The following MED13L variants were observed in gnomAD, a reference collection of about 807,000 sequenced individuals.
MED13L encodes the protein mediator of RNA polymerase II transcription subunit 13-like.
A neutral mutation model predicts 220.9 loss-of-function variants in MED13L; 7 were observed. The ratio of observed to expected loss-of-function variants is 0.03; its 90% confidence interval spans 0.02 to 0.06. MED13L has a LOEUF of 0.06. Ranked by LOEUF, MED13L falls within the 10% of genes least tolerant of loss-of-function variation. The probability of loss-of-function intolerance (pLI) is 1.00; values close to 1 mark genes in which losing one functional copy is unlikely to be tolerated. For missense variants in MED13L, 1,965 were observed against 2,760.5 expected (o/e 0.71, Z 6.46); for synonymous variants, 1,011 against 1,015.2 (o/e 1.00, Z 0.08).
intron 4 of MED13L, among the ~76,000 whole-genome samples, chr12:116,037,083 T>A (rs1017661405): frequency 6.6e-6 from 1 of 152,170 alleles, no homozygotes; most frequent in African/African-American, 2.4e-5. Flanking sequence ...TAAATCACCA[T>A]TACAGTTCTA....
In MED13L at chr12:116,117,235, C is replaced by A. The variant is rs374221820; in HGVS notation, c.311-5723G>T. Reference sequence around the variant, plus strand: ...ATTCATATGTCATTCTCGCAAAAGGCAAATTTAAGGTACTGTAAACTTCTC... The same window carrying A: ...ATTCATATGTCATTCTCGCAAAAGGAAAATTTAAGGTACTGTAAACTTCTC... On this transcript the variant is annotated intron_variant, in intron 2 of 30. Coordinates refer to ENST00000281928, the MANE Select transcript of MED13L (RefSeq NM_015335.5). Among the ~76,000 whole-genome samples the A allele has an allele frequency of 6.6e-5, 10 of 152,070 alleles. No individual in the cohort carries two copies. The South Asian group carries it at 1.2e-3, about 19-fold the overall frequency.
rs768244395 is a variant in MED13L at position 116,237,750 on chromosome 12, C to G, written c.73-45G>C. On this transcript the variant is annotated intron_variant, in intron 1 of 30. Coordinates refer to ENST00000281928, the MANE Select transcript of MED13L (RefSeq NM_015335.5). ...TGTAATCGTTTTCTCATTTTACTTA[C>G]AGACCACTAAAAACAGTCTTCCATA... 160 of 1,522,880 alleles carry G rather than the reference C, an allele frequency of 1.1e-4. No individual in the cohort carries two copies. Among genetic ancestry groups the G allele is most frequent in the Admixed American group, 7.0e-4 (42 of 59,872 alleles). The allele number at this position is 1,522,880 out of a possible 1,614,324, so 94.3% of individuals were successfully genotyped here.
At chr12:116,218,132 TGTCAA>T (rs1273048045) in intron 2 of MED13L, among the ~76,000 whole-genome samples, 3 of 152,226 alleles carry the variant, frequency 2.0e-5, no homozygotes, top group African/African-American at 7.2e-5. Context: ...ATTAAACTTT[TGTCAA>T]GTCATTTTCC....
intron 2 of MED13L, among the ~76,000 whole-genome samples, chr12:116,152,122 T>A (rs1878085296): frequency 6.6e-6 from 1 of 152,130 alleles, no homozygotes; most frequent in Non-Finnish European, 1.5e-5. Flanking sequence ...AGGTTCTCTC[T>A]CCCCTGCTGG....
chr12:116,025,866 C>T (rs1880357602), intron 4 of MED13L, among the ~76,000 whole-genome samples: 1 of 152,034 alleles, frequency 6.6e-6, no homozygotes, highest in South Asian at 2.1e-4. Flanking sequence ...AATGTTCTTA[C>T]CACAGAAAAA....
At chr12:115,988,765 C>A (rs1175467241) in intron 17 of MED13L, among the ~76,000 whole-genome samples, 1 of 152,162 alleles carries the variant, frequency 6.6e-6, no homozygotes, top group Non-Finnish European at 1.5e-5. Flanking sequence ...ACCTCCCCTG[C>A]AATAAAATGT....
At chr12:116,110,223 G>A (rs1392313516) in intron 3 of MED13L, 5 of 152,108 alleles carry the variant, frequency 3.3e-5, no homozygotes, top group Non-Finnish European at 7.3e-5. Context: ...AAGGACATAG[G>A]AGCGAGCCAT....
chr12:116,234,385 G>GC (rs921764216), intron 2 of MED13L, among the ~76,000 whole-genome samples: 25 of 151,974 alleles, frequency 1.6e-4, no homozygotes, highest in Middle Eastern at 3.4e-3. Flanking sequence ...CCACCACCAT[G>GC]CCCAGCTAAT....
chr12:116,117,171 TA>T (rs1874596731), intron 2 of MED13L, among the ~76,000 whole-genome samples: 1 of 151,982 alleles, frequency 6.6e-6, no homozygotes, highest in Non-Finnish European at 1.5e-5. Context: ...TTATGCTAAG[TA>T]AAAAGAAGCC....
chr12:116,275,404 T>A (rs1307672772), intron 1 of MED13L, among the ~76,000 whole-genome samples: 2 of 152,228 alleles, frequency 1.3e-5, no homozygotes, highest in Non-Finnish European at 2.9e-5. Context: ...TTAAAATATT[T>A]CATTTAAAAA....
At chr12:116,142,111 T>C (rs1317083927) in intron 2 of MED13L, among the ~76,000 whole-genome samples, 1 of 152,182 alleles carries the variant, frequency 6.6e-6, no homozygotes, top group African/African-American at 2.4e-5. Context: ...TTTCTCTGAC[T>C]ACCCTACTTA....
At chr12:116,022,668 T>G in intron 4 of MED13L, 67 bp from the exon 5 acceptor site, 1 of 1,511,368 alleles carries the variant, frequency 6.6e-7, no homozygotes, top group Non-Finnish European at 9.0e-7. Context: ...AAACAGGAAC[T>G]ACAGGTAAGA....
chr12:116,007,266 A>T (rs1237310443), intron 11 of MED13L, 145 bp downstream of exon 11: 2 of 768,940 alleles, frequency 2.6e-6, no homozygotes, highest in Non-Finnish European at 2.3e-6. Flanking sequence ...TGTTCAATAC[A>T]ATAGTACCAA....
chr12:116,067,025 T>C (rs1043386392), intron 4 of MED13L, among the ~76,000 whole-genome samples: 1 of 152,134 alleles, frequency 6.6e-6, no homozygotes, highest in Non-Finnish European at 1.5e-5. Context: ...TGATGAATGT[T>C]TCTGCGAGTG....
intron 29 of MED13L, 104 bp from the exon 30 acceptor site, chr12:115,963,623 G>T (rs1356675091): frequency 1.2e-6 from 1 of 835,148 alleles, no homozygotes; most frequent in East Asian, 2.6e-5. Context: ...AAAGTCCGTA[G>T]AAGTCAGGGT....
At chr12:115,979,269 T>C (rs1160234339) in intron 23 of MED13L, among the ~76,000 whole-genome samples, 3 of 152,228 alleles carry the variant, frequency 2.0e-5, no homozygotes, top group African/African-American at 7.2e-5. Context: ...TATTTTAATC[T>C]AAACCTCACT....
rs774982694 is a variant in MED13L, at chr12:116,008,711, T to C, written c.1702A>G (p.Thr568Ala). ...ACCGATGGTGGGTCCAAACTCTCTGTTTCCTGACCTCGTGGCTGAGGGCTG... is the reference window on the plus strand; with the variant it reads ...ACCGATGGTGGGTCCAAACTCTCTGCTTCCTGACCTCGTGGCTGAGGGCTG... ...TLSPQPRGQETESLDPPSVPV... is the reference protein window; with the variant it reads ...TLSPQPRGQEAESLDPPSVPV... Residue 568 changes from threonine to alanine, a missense_variant, in exon 10 of 31, where the codon ACA (threonine) becomes GCA (alanine). By Grantham distance (58) the Thr-to-Ala change is moderately conservative. This residue lies in a region of MED13L where 818 missense variants were observed against 1,041.2 expected (regional missense o/e 0.79). Coordinates refer to ENST00000281928, the MANE Select transcript of MED13L (RefSeq NM_015335.5). 3.7e-6 allele frequency: 6 copies of C among 1,613,880 alleles called. No homozygotes were observed. The highest frequency in any genetic ancestry group is 2.7e-5 in the African/African-American group (2 of 74,894).
In MED13L at chr12:116,015,202, C is replaced by T. The variant is rs1266835268; in HGVS notation, c.1082G>A (p.Ser361Asn). ...AGGAATCTTCCCCGATCTCTTTGGA[C>T]TGTGCATCGTTATCATCCCTCCATC... Reference protein sequence around the residue: ...SQDGGMITMHSPKRSGKIPPK... With the variant: ...SQDGGMITMHNPKRSGKIPPK... The change falls in exon 8 of 31, where the codon AGT (serine) becomes AAT (asparagine). Residue 361 changes from serine to asparagine, a missense_variant. Physicochemically the swap from Ser to Asn is conservative, Grantham distance 46 (BLOSUM62 1). This residue lies in a region of MED13L where 818 missense variants were observed against 1,041.2 expected (regional missense o/e 0.79). Transcript: ENST00000281928. The T allele has an allele frequency of 6.2e-7, 1 of 1,613,876 alleles. No individual in the cohort carries two copies.
chr12:116,072,550 C>A (rs1454800976), intron 4 of MED13L, among the ~76,000 whole-genome samples: 9 of 152,168 alleles, frequency 5.9e-5, no homozygotes, highest in Admixed American at 5.9e-4. Context: ...CTCCCGGGTT[C>A]AAGCAATTCT....
Sources: allele counts gnomAD v4.1 joint callset (sites outside exome capture counted in the v4.1 genomes callset), GRCh38; gene constraint gnomAD v4.1.1; regional missense constraint gnomAD v4.1.1; transcripts MANE v1.5; gene names NCBI Gene and HGNC (gene_info 2026-07-23, HGNC 2026-07-21).